The following CMC2 variants were observed in gnomAD, a reference collection of about 807,000 sequenced individuals.
The protein encoded by CMC2 is COX assembly mitochondrial protein 2 homolog.
A neutral mutation model predicts 7.5 loss-of-function variants in CMC2; 5 were observed. That is an observed-to-expected ratio of 0.66 (90% CI 0.35 to 1.40). CMC2 has a LOEUF of 1.40. Among genes scored for constraint, CMC2 ranks in the 40% most tolerant of loss-of-function variants. The pLI, the probability that CMC2 is intolerant of heterozygous loss-of-function variation, is 0.04. For synonymous variants in CMC2, 37 were observed against 31.4 expected (o/e 1.18, Z -0.60); for missense variants, 115 against 92.3 (o/e 1.25, Z -1.01).
At chr16:81,002,592 T>C (rs571085179) in intron 1 of CMC2, among the ~76,000 whole-genome samples, 1 of 152,320 alleles carries the variant, frequency 6.6e-6, no homozygotes, top group Non-Finnish European at 1.5e-5. Context: ...AATGATTTCT[T>C]TAATTGACAA....
At chr16:80,994,097 T>G (rs1396891224) in intron 2 of CMC2, among the ~76,000 whole-genome samples, 1 of 152,106 alleles carries the variant, frequency 6.6e-6, no homozygotes, top group Non-Finnish European at 1.5e-5. Context: ...TCAGCAGGGA[T>G]AGAACAGTCT....
chr16:80,993,097 G>A (rs1272273450), intron 2 of CMC2, among the ~76,000 whole-genome samples: 1 of 151,958 alleles, frequency 6.6e-6, no homozygotes, highest in African/African-American at 2.4e-5. Context: ...TCATATGTAT[G>A]GTATTCTAAC....
chr16:80,992,787 G>A (rs1216339971), intron 2 of CMC2, among the ~76,000 whole-genome samples: 1 of 146,752 alleles, frequency 6.8e-6, no homozygotes, highest in African/African-American at 2.6e-5. Flanking sequence ...TCAAACAACT[G>A]GGTAAGTGAT....
chr16:80,993,793 C>T (rs2151639877), intron 2 of CMC2, among the ~76,000 whole-genome samples: 1 of 152,260 alleles, frequency 6.6e-6, no homozygotes, highest in African/African-American at 2.4e-5. Flanking sequence ...CAACAATGTT[C>T]AGCCTCAAAA....
At chr16:81,000,226 G>A (rs1001372498) in intron 1 of CMC2, among the ~76,000 whole-genome samples, 4 of 152,110 alleles carry the variant, frequency 2.6e-5, no homozygotes, top group Admixed American at 6.5e-5. Context: ...GGCTGGGCAC[G>A]GTAGCTCACA....
intron 1 of CMC2, among the ~76,000 whole-genome samples, chr16:81,004,405 AC>A (rs1235368755): frequency 1.3e-5 from 2 of 152,142 alleles, no homozygotes; most frequent in African/African-American, 4.8e-5. Flanking sequence ...CCTGGGAGCG[AC>A]CCCAGGGACT....
intron 2 of CMC2, among the ~76,000 whole-genome samples, chr16:80,992,846 G>A (rs532847606): frequency 1.3e-5 from 2 of 151,308 alleles, no homozygotes; most frequent in Admixed American, 6.6e-5. Flanking sequence ...CATGTGCCAT[G>A]CCCGGCCACT....
rs1018971691 is a variant in CMC2, at chr16:81,006,686, G to A, written c.-36+48C>T. 68 of 984,038 alleles carry A rather than the reference G, an allele frequency of 6.9e-5. 1 individual carries two copies. The highest frequency in any genetic ancestry group is 7.6e-5 in the Non-Finnish European group (63 of 828,770). 61.0% of individuals were successfully genotyped at this position (984,038 alleles called of 1,614,324 possible). A position where few individuals can be genotyped will look rare whatever the true frequency, so the allele number is the denominator to read the frequency against. ...CGGGACGCGCCATCAGGGACCTGAG[G>A]AGGAACAACGGAACGCGTTCGGAAC... is the stretch of plus-strand genomic sequence containing the variant. On this transcript the variant is annotated intron_variant, in intron 1 of 3. Transcript: ENST00000219400.
chr16:80,981,335 C>A (rs1967096777), intron 3 of CMC2, among the ~76,000 whole-genome samples: 1 of 152,152 alleles, frequency 6.6e-6, no homozygotes, highest in African/African-American at 2.4e-5. Flanking sequence ...TGACAGTGTT[C>A]CAAAACAAGT....
intron 2 of CMC2, among the ~76,000 whole-genome samples, chr16:80,993,932 A>G (rs1046526849): frequency 1.3e-5 from 2 of 152,230 alleles, no homozygotes; most frequent in African/African-American, 4.8e-5. Context: ...GATTTATACT[A>G]TATGACTGAG....
At chr16:80,978,770 T>C (rs1344490886) in intron 3 of CMC2, among the ~76,000 whole-genome samples, 2 of 151,514 alleles carry the variant, frequency 1.3e-5, no homozygotes, top group East Asian at 3.9e-4. Context: ...GAAATGGCCA[T>C]ACCCTTTTTC....
chr16:80,966,607 A>T lies in CMC2; in HGVS notation c.*9486T>A, dbSNP rs1224151230. ...CCAATTTCAAAACAATATTATTTTT[A>T]TTATAAAGTTTTACTTTTTTTGCAG... On this transcript the variant is annotated 3_prime_UTR_variant, in exon 4 of 4. Coordinates refer to ENST00000219400, the MANE Select transcript of CMC2 (RefSeq NM_020188.5). 1 of 152,156 alleles carries T rather than the reference A, an allele frequency of 6.6e-6. No homozygotes were observed. The highest frequency in any genetic ancestry group is 1.5e-5 in the Non-Finnish European group (1 of 68,024). The allele number at this position is 152,156 out of a possible 1,614,324, so 9.4% of individuals were successfully genotyped here.
At position 80,975,928 on chromosome 16, in the gene CMC2, C is replaced by A; in HGVS notation, c.*165G>T. On this transcript the variant is annotated 3_prime_UTR_variant, in exon 4 of 4. Coordinates refer to ENST00000219400, the MANE Select transcript of CMC2 (RefSeq NM_020188.5). ...AGACAGTACTAAACGCCCTGCCCAA[C>A]AAATACTCAGAATCCAGGGTTTTCA... The A allele has an allele frequency of 1.7e-6, 1 of 593,860 alleles. No homozygotes were observed. The highest frequency in any genetic ancestry group is 3.0e-6 in the Non-Finnish European group (1 of 336,902). 36.8% of individuals were successfully genotyped at this position (593,860 alleles called of 1,614,324 possible).
At chr16:80,976,240 G>C (rs2303215) in intron 3 of CMC2, 61 bp from the exon 4 acceptor site, 53,960 of 878,088 alleles carry the variant, frequency 0.061, 2,534 homozygotes, top group East Asian at 0.21. Flanking sequence ...ATTTATAGCA[G>C]TTTACTATTT....
intron 2 of CMC2, among the ~76,000 whole-genome samples, chr16:80,995,065 G>C (rs753276557): frequency 5.3e-5 from 8 of 152,140 alleles, no homozygotes; most frequent in Admixed American, 1.3e-4. Flanking sequence ...AGAATTGCTT[G>C]AACCTGGGAG....
At position 80,997,309 on chromosome 16, in the gene CMC2, C is replaced by G. The variant is rs753577041; in HGVS notation, c.81+5G>C. The G allele has an allele frequency of 5.6e-6, 7 of 1,254,230 alleles. No homozygotes were observed. The highest frequency in any genetic ancestry group is 6.9e-6 in the Non-Finnish European group (6 of 873,064). 77.7% of individuals were successfully genotyped at this position (1,254,230 alleles called of 1,614,324 possible). A position where few individuals can be genotyped will look rare whatever the true frequency, so the allele number is the denominator to read the frequency against. ...GGCTGTACAGTCGTTTTTCTGAACT[C>G]TTACATTTTTGTGACATTCCTTAAG... On this transcript the variant is annotated splice_donor_5th_base_variant and intron_variant, in intron 2 of 3. Transcript: ENST00000219400.
chr16:80,981,507 T>C (rs563754218), intron 3 of CMC2, among the ~76,000 whole-genome samples: 1 of 152,310 alleles, frequency 6.6e-6, no homozygotes, highest in Non-Finnish European at 1.5e-5. Context: ...CTGATATAAG[T>C]CTTTCTGCCG....
At chr16:80,999,322 C>A (rs1347287916) in intron 1 of CMC2, among the ~76,000 whole-genome samples, 1 of 151,852 alleles carries the variant, frequency 6.6e-6, no homozygotes, top group African/African-American at 2.4e-5. Flanking sequence ...CAATTGCCAC[C>A]AAAAAAATAA....
rs1912244935 is a variant in CMC2, at chr16:80,975,745, C to T, written c.*348G>A. The T allele has an allele frequency of 6.0e-6, 1 of 165,538 alleles. No homozygotes were observed. Among genetic ancestry groups the T allele is most frequent in the Non-Finnish European group, 1.3e-5 (1 of 77,062 alleles). 10.3% of individuals were successfully genotyped at this position (165,538 alleles called of 1,614,324 possible). On this transcript the variant is annotated 3_prime_UTR_variant, in exon 4 of 4. Transcript: ENST00000219400. ...ACATCATGTTGTCAAAAAGAAAAAGCCTAATGGCAACATTTTCCTCTAATG... is the reference window on the plus strand; with the variant it reads ...ACATCATGTTGTCAAAAAGAAAAAGTCTAATGGCAACATTTTCCTCTAATG...
Sources: allele counts gnomAD v4.1 joint callset (sites outside exome capture counted in the v4.1 genomes callset), GRCh38; gene constraint gnomAD v4.1.1; transcripts MANE v1.5; gene names NCBI Gene and HGNC (gene_info 2026-07-23, HGNC 2026-07-21).